MYBL1: variants seen among roughly 807,000 people sequenced by gnomAD.
MYBL1 encodes the protein myb-related protein A.
A neutral mutation model predicts 96.3 loss-of-function variants in MYBL1; 17 were observed. The ratio of observed to expected loss-of-function variants is 0.18; its 90% CI spans 0.12 to 0.26. The LOEUF (loss-of-function observed/expected upper bound fraction) is 0.26, where lower values mean the gene tolerates loss of function less well. Ranked by LOEUF, MYBL1 falls within the 10% of genes least tolerant of loss-of-function variation. The pLI, the probability that MYBL1 is intolerant of heterozygous loss-of-function variation, is 1.00. For synonymous variants in MYBL1, 282 were observed against 292.7 expected, an observed-to-expected ratio of 0.96 and a Z score of 0.37; for missense variants, 701 against 882.9, an observed-to-expected ratio of 0.79 and a Z score of 2.61.
chr8:66,612,824 C>A lies in MYBL1; in HGVS notation c.15G>T (p.Ser5=), dbSNP rs371855803. ...GCGAAAGGGGTGCCACCCACCTGCG[C>A]GACCTCTTCGCCATCCTTCAAGTAC... The part of the protein sequence containing the change: MAKR[S]RSEDEDDDLQ... The change falls in exon 1 of 16, where the codon TCG becomes TCT. Residue 5 remains serine, a synonymous_variant. Coordinates refer to ENST00000522677, the MANE Select transcript of MYBL1 (RefSeq NM_001080416.4). 15 of 1,370,534 alleles carry A rather than the reference C, an allele frequency of 1.1e-5. No homozygotes were observed. Among genetic ancestry groups the A allele is most frequent in the Non-Finnish European group, 1.3e-5 (14 of 1,052,862 alleles). 84.9% of individuals were successfully genotyped at this position (1,370,534 alleles called of 1,614,324 possible).
chr8:66,581,247 C>A (rs1809200086), intron 8 of MYBL1, among the ~76,000 whole-genome samples: 1 of 152,156 alleles, frequency 6.6e-6, no homozygotes, highest in South Asian at 2.1e-4. Flanking sequence ...TAATCATTGT[C>A]CTTCAAGGCT....
intron 3 of MYBL1, 29 bp from the exon 4 acceptor site, chr8:66,599,171 A>C: frequency 6.7e-7 from 1 of 1,500,920 alleles, no homozygotes; most frequent in Non-Finnish European, 9.0e-7. Flanking sequence ...TTTTGTTATT[A>C]AACAACTGTC....
chr8:66,575,008 G>A (rs996928544), intron 10 of MYBL1, among the ~76,000 whole-genome samples: 4 of 151,984 alleles, frequency 2.6e-5, no homozygotes, highest in African/African-American at 9.7e-5. Context: ...GAGCCGAGAT[G>A]GTGCCATTGC....
chr8:66,568,060 A>AAAC (rs1027227652), intron 12 of MYBL1, among the ~76,000 whole-genome samples: 4 of 151,436 alleles, frequency 2.6e-5, no homozygotes, highest in African/African-American at 7.3e-5. Flanking sequence ...AAAAAAAAAA[A>AAAC]AACAACAACA....
rs1001420053 is a variant in MYBL1 at position 66,564,629 on chromosome 8, T to G, written c.*68A>C. 23 of 1,329,694 alleles carry G rather than the reference T, an allele frequency of 1.7e-5. No homozygotes were observed. The East Asian group carries it at 5.5e-4, about 32-fold the overall frequency. The allele number at this position is 1,329,694 out of a possible 1,614,324, so 82.4% of individuals were successfully genotyped here. ...TTAAAAACAACTAATTGAGAAAAAT[T>G]TCACTGCAACCTAATTTAGTAGAGA... On this transcript the variant is annotated 3_prime_UTR_variant, in exon 16 of 16. Coordinates refer to ENST00000522677, the MANE Select transcript of MYBL1 (RefSeq NM_001080416.4).
chr8:66,585,855 T>C (rs1809397590), intron 8 of MYBL1, among the ~76,000 whole-genome samples: 1 of 151,896 alleles, frequency 6.6e-6, no homozygotes, highest in Non-Finnish European at 1.5e-5. Flanking sequence ...CAAATGGGAT[T>C]ATATTAAACT....
intron 12 of MYBL1, among the ~76,000 whole-genome samples, chr8:66,568,266 CTTATTA>C (rs1161911750): frequency 2.6e-5 from 4 of 151,868 alleles, no homozygotes; most frequent in Admixed American, 6.6e-5. Flanking sequence ...TCTCAAAGAG[CTTATTA>C]TTATTATTTA....
chr8:66,564,920 A>G (rs908499919), intron 15 of MYBL1, 95 bp from the exon 16 acceptor site: 3 of 712,564 alleles, frequency 4.2e-6, no homozygotes, highest in Non-Finnish European at 6.1e-6. Flanking sequence ...AACTGATTAG[A>G]TATTTTATAA....
chr8:66,612,511 T>TA (rs1371447439), intron 1 of MYBL1: 2 of 371,368 alleles, frequency 5.4e-6, no homozygotes, highest in Non-Finnish European at 9.6e-6. Flanking sequence ...GCGCTCGACT[T>TA]ACCTGGCAAG....
intron 1 of MYBL1, among the ~76,000 whole-genome samples, chr8:66,602,733 A>ATTT (rs143426704): frequency 3.2e-4 from 9 of 28,160 alleles, no homozygotes; most frequent in African/African-American, 9.2e-4. Context: ...ATATATATAT[A>ATTT]TTTTTTTTTT....
chr8:66,566,932 T>C lies in MYBL1; in HGVS notation c.1789A>G (p.Thr597Ala). 6.2e-7 allele frequency: 1 copy of C among 1,613,384 alleles called. No homozygotes were observed. The highest frequency in any genetic ancestry group is 8.5e-7 in the Non-Finnish European group (1 of 1,179,620). ...IREVLKEETGTDLFLKEEDEP... is the reference protein window; with the variant it reads ...IREVLKEETGADLFLKEEDEP... ...TCTTCCTCTTTGAGGAATAGGTCTG[T>C]TCCAGTTTCTTCTTTTAAAACTTCC... Residue 597 changes from threonine (T) to alanine (A), a missense_variant, in exon 13 of 16, where the codon ACA (threonine) becomes GCA (alanine). Physicochemically the swap from Thr to Ala is moderately conservative, Grantham distance 58. Around this residue, in one of 5 missense-constraint regions of MYBL1, gnomAD observed 63 missense variants for 109.2 expected, o/e 0.58. Coordinates refer to ENST00000522677, the MANE Select transcript of MYBL1 (RefSeq NM_001080416.4).
At chr8:66,567,122 T>G in intron 12 of MYBL1, 130 bp from the exon 13 acceptor site, 1 of 583,744 alleles carries the variant, frequency 1.7e-6, no homozygotes, top group Non-Finnish European at 3.0e-6. Context: ...ATAGATACAT[T>G]AATTAAATTA....
At chr8:66,571,467 C>T (rs917440357) in intron 12 of MYBL1, among the ~76,000 whole-genome samples, 3 of 152,122 alleles carry the variant, frequency 2.0e-5, no homozygotes, top group Non-Finnish European at 2.9e-5. Context: ...TAAAGAGGTA[C>T]CCTGATTAGT....
At chr8:66,579,263 A>T (rs9773630) in intron 9 of MYBL1, among the ~76,000 whole-genome samples, 116,268 of 147,600 alleles carry the variant, frequency 0.79, 44,815 homozygotes, top group East Asian at 0.98. Flanking sequence ...AATTTTTTTT[A>T]AAAAAATGAA....
intron 6 of MYBL1, among the ~76,000 whole-genome samples, chr8:66,593,557 CTA>C (rs923094473): frequency 1.7e-4 from 26 of 152,082 alleles, no homozygotes; most frequent in African/African-American, 6.3e-4. Flanking sequence ...AATTGTGTTC[CTA>C]TGTGTCCATA....
At chr8:66,585,388 A>G (rs922427211) in intron 8 of MYBL1, among the ~76,000 whole-genome samples, 10 of 152,336 alleles carry the variant, frequency 6.6e-5, no homozygotes, top group African/African-American at 2.2e-4. Flanking sequence ...AAAGAAGAAA[A>G]TCAATTCAAA....
chr8:66,591,386 A>T, intron 8 of MYBL1, among the ~76,000 whole-genome samples: 1 of 152,176 alleles, frequency 6.6e-6, no homozygotes, highest in East Asian at 1.9e-4. Context: ...AAACCTAAGA[A>T]AAGTTATTTA....
intron 6 of MYBL1, among the ~76,000 whole-genome samples, chr8:66,593,698 C>G (rs542407926): frequency 6.6e-6 from 1 of 152,288 alleles, no homozygotes. Context: ...CAGAATCACT[C>G]ACATACTTTT....
intron 8 of MYBL1, among the ~76,000 whole-genome samples, chr8:66,585,358 A>G (rs1809374547): frequency 6.6e-6 from 1 of 152,196 alleles, no homozygotes; most frequent in South Asian, 2.1e-4. Context: ...CACCATATTA[A>G]AAAAACCTCC....
Sources: gnomAD v4.1 joint callset for allele counts (sites outside exome capture counted in the v4.1 genomes callset) on GRCh38, gnomAD v4.1.1 for gene constraint, gnomAD v4.1.1 regional missense constraint, MANE v1.5 for transcripts, NCBI Gene and HGNC (gene_info 2026-07-23, HGNC 2026-07-21) for gene names.